The following PDE12 variants were observed in gnomAD, a reference collection of about 807,000 sequenced individuals.
PDE12 encodes the protein 2',5'-phosphodiesterase 12.
Under a neutral mutation model 45.4 loss-of-function variants are expected in PDE12, and 26 were observed. The observed-to-expected ratio is 0.57, with a 90% CI of 0.42 to 0.79. The LOEUF is 0.79. Ranked by LOEUF, PDE12 falls within the 30% of genes least tolerant of loss-of-function variation. The pLI, the probability that PDE12 is intolerant of heterozygous loss-of-function variation, is 0.00. For missense variants in PDE12, 668 were observed against 790.0 expected (o/e 0.85, Z 1.85); for synonymous variants, 283 against 323.9 (o/e 0.87, Z 1.36).
chr3:57,655,626 AT>A, the PDE12 span, among the ~76,000 whole-genome samples: 1 of 152,160 alleles, frequency 6.6e-6, no homozygotes, highest in Admixed American at 6.5e-5. Flanking sequence ...CATTAAAAAT[AT>A]TTTTTTAAAT....
chr3:57,617,591 G>A, the PDE12 span, among the ~76,000 whole-genome samples: 10 of 151,768 alleles, frequency 6.6e-5, no homozygotes, highest in East Asian at 2.0e-4. Context: ...GGCCAGGCTC[G>A]GTGGCTCACA....
the PDE12 span, among the ~76,000 whole-genome samples, chr3:57,588,158 T>C: frequency 1.2e-4 from 18 of 152,258 alleles, no homozygotes; most frequent in East Asian, 7.7e-4. Context: ...ATGGTCTCCC[T>C]CCCCTCCGTG....
At chr3:57,638,673 C>CTAAA in the PDE12 span, among the ~76,000 whole-genome samples, 8 of 151,492 alleles carry the variant, frequency 5.3e-5, no homozygotes, top group African/African-American at 9.7e-5. Flanking sequence ...AAATAAATAA[C>CTAAA]TAAATAAATA....
chr3:57,596,689 T>C, the PDE12 span: 1 of 214,296 alleles, frequency 4.7e-6, no homozygotes, highest in African/African-American at 2.3e-5. Flanking sequence ...GCCTCCCTCC[T>C]GACCGCTGTC....
Position 57,560,794 on chromosome 3 carries a change from T to C in PDE12, c.*790T>C. On this transcript the variant is annotated 3_prime_UTR_variant, in exon 3 of 3. Transcript: ENST00000311180. Reference sequence around the variant, plus strand: ...AGTTAAGGGTGAGAGACTTAAGTTATAGGTGACCTTAGAGACCTAAGGTGA... The same window carrying C: ...AGTTAAGGGTGAGAGACTTAAGTTACAGGTGACCTTAGAGACCTAAGGTGA... 1 of 985,538 alleles carries C rather than the reference T, an allele frequency of 1.0e-6. No individual in the cohort carries two copies. The allele number at this position is 985,538 out of a possible 1,614,324, so 61.0% of individuals were successfully genotyped here. A position where few individuals can be genotyped will look rare whatever the true frequency, so the allele number is the denominator to read the frequency against.
At chr3:57,631,509 T>A in the PDE12 span, among the ~76,000 whole-genome samples, 1 of 151,980 alleles carries the variant, frequency 6.6e-6, no homozygotes, top group Non-Finnish European at 1.5e-5. Flanking sequence ...GTCCATTTTT[T>A]AACGATAATA....
chr3:57,597,461 G>A, the PDE12 span: 176 of 223,758 alleles, frequency 7.9e-4, 1 homozygote, highest in East Asian at 0.017. Flanking sequence ...CGTCACCGCC[G>A]CCCCATCCCC....
the PDE12 span, among the ~76,000 whole-genome samples, chr3:57,636,055 A>G: frequency 3.3e-5 from 5 of 152,212 alleles, no homozygotes; most frequent in Admixed American, 2.6e-4. Context: ...TAATACATAA[A>G]ACATACAAAA....
chr3:57,578,070 C>T, the PDE12 span, among the ~76,000 whole-genome samples: 1 of 151,690 alleles, frequency 6.6e-6, no homozygotes, highest in South Asian at 2.1e-4. Flanking sequence ...ACAAAAAAAC[C>T]CCATGAATTT....
At chr3:57,575,928 T>A in the PDE12 span, among the ~76,000 whole-genome samples, 1 of 152,156 alleles carries the variant, frequency 6.6e-6, no homozygotes, top group Admixed American at 6.5e-5. Flanking sequence ...TTAAAGCAAA[T>A]CACTCATCAT....
At chr3:57,643,006 C>CCAAA in the PDE12 span, among the ~76,000 whole-genome samples, 1 of 104,564 alleles carries the variant, frequency 9.6e-6, no homozygotes. Context: ...GACTTCATCT[C>CCAAA]AAAAAAAAAA....
intron 1 of PDE12, among the ~76,000 whole-genome samples, chr3:57,557,984 A>C (rs2069685511): frequency 6.6e-6 from 1 of 152,220 alleles, no homozygotes; most frequent in Non-Finnish European, 1.5e-5. Flanking sequence ...ATAGTAGCTA[A>C]TGTTTTTTAC....
rs745359685 is a variant in PDE12, at chr3:57,556,854, C to T, written c.475C>T (p.Arg159Cys). 1 of 1,614,040 alleles carries T rather than the reference C, an allele frequency of 6.2e-7. No individual in the cohort carries two copies. The highest frequency in any genetic ancestry group is 8.5e-7 in the Non-Finnish European group (1 of 1,180,032). ...CGGCGATGTTAAGTACAAGGTGGAG[C>T]GCAACCCGCCCGCCTTCACCGAACT... ...QIGDVKYKVE[R>C]NPPAFTELQL... The change falls in exon 1 of 3, where the codon CGC (arginine) becomes TGC (cysteine). Residue 159 changes from arginine (R) to cysteine (C), a missense_variant. By Grantham distance (180) the Arg-to-Cys change is radical. Coordinates refer to ENST00000311180, the MANE Select transcript of PDE12 (RefSeq NM_177966.7). This position sits in a 1 kb window ranked among gnomAD's most constrained non-coding sequence, Gnocchi z 5.0.
chr3:57,558,704 A>C (rs1033526542), intron 1 of PDE12, among the ~76,000 whole-genome samples: 5 of 151,262 alleles, frequency 3.3e-5, no homozygotes, highest in Non-Finnish European at 7.4e-5. Flanking sequence ...GTTAGCCAGG[A>C]TGGTCTCGAT....
Position 57,559,778 on chromosome 3 carries a change from C to A in PDE12, c.1604C>A (p.Thr535Lys). 1 of 1,614,194 alleles carries A rather than the reference C, an allele frequency of 6.2e-7. No individual in the cohort carries two copies. Among genetic ancestry groups the A allele is most frequent in the East Asian group, 2.2e-5 (1 of 44,882 alleles). Residue 535 changes from threonine (T) to lysine (K), a missense_variant, in exon 3 of 3, where the codon ACA becomes AAA. Thr to Lys is a moderately conservative substitution (Grantham distance 78). Transcript: ENST00000311180. ...GEEERCNMSLTHFFKLKSACG... is the reference protein window; with the variant it reads ...GEEERCNMSLKHFFKLKSACG... ...GAGGAAAGATGCAATATGTCTCTTA[C>A]ACATTTCTTCAAGCTGAAAAGTGCT...
At chr3:57,638,336 G>C in the PDE12 span, among the ~76,000 whole-genome samples, 11 of 150,694 alleles carry the variant, frequency 7.3e-5, no homozygotes. Context: ...GACTTGAATA[G>C]ACATTTCTCC....
chr3:57,644,067 G>C, the PDE12 span, among the ~76,000 whole-genome samples: 1 of 150,720 alleles, frequency 6.6e-6, no homozygotes, highest in Non-Finnish European at 1.5e-5. Flanking sequence ...GGAGAATCTC[G>C]TGAACCCGGG....
At chr3:57,587,795 A>G in the PDE12 span, among the ~76,000 whole-genome samples, 1 of 152,230 alleles carries the variant, frequency 6.6e-6, no homozygotes, top group Non-Finnish European at 1.5e-5. Context: ...TTAAGTATCC[A>G]CAAATTATTT....
the PDE12 span, among the ~76,000 whole-genome samples, chr3:57,655,766 C>T: frequency 6.6e-6 from 1 of 152,014 alleles, no homozygotes; most frequent in African/African-American, 2.4e-5. Flanking sequence ...GTCCAAAATC[C>T]AAAACACTTC....
Sources: gnomAD v4.1 joint callset for allele counts (sites outside exome capture counted in the v4.1 genomes callset) on GRCh38, gnomAD v4.1.1 for gene constraint, Gnocchi (gnomAD v3.1) non-coding constraint, MANE v1.5 for transcripts, NCBI Gene and HGNC (gene_info 2026-07-23, HGNC 2026-07-21) for gene names.